ZNF626: variants seen among roughly 807,000 people sequenced by gnomAD.
The protein encoded by ZNF626 is CTC-513N18.7.
Under a neutral mutation model 11.7 loss-of-function variants are expected in ZNF626, and 4 were observed. The ratio of observed to expected loss-of-function variants is 0.34; its 90% CI spans 0.17 to 0.78. The LOEUF (loss-of-function observed/expected upper bound fraction) is 0.78, where lower values mean the gene tolerates loss of function less well. Among genes scored for constraint, ZNF626 ranks in the 30% least tolerant of loss-of-function variants. The probability of loss-of-function intolerance (pLI) is 0.57; values close to 1 mark genes in which losing one functional copy is unlikely to be tolerated. For missense variants in ZNF626, 588 were observed against 587.1 expected (o/e 1.00, Z -0.01); for synonymous variants, 179 against 198.6 (o/e 0.90, Z 0.83).
rs1263547734 is a variant in ZNF626, at chr19:20,620,257, T to C, written c.*4033A>G. On this transcript the variant is annotated 3_prime_UTR_variant, in exon 4 of 4. Transcript: ENST00000601440. ...TAAAATTTTATATTAATAAATTCCATACAAAGCAGAAAGTATACATTTGCT... is the reference window on the plus strand; with the variant it reads ...TAAAATTTTATATTAATAAATTCCACACAAAGCAGAAAGTATACATTTGCT... The C allele has an allele frequency of 5.3e-5, 8 of 152,308 alleles. No homozygotes were observed. The East Asian group carries it at 1.5e-3, about 29-fold the overall frequency. The allele number at this position is 152,308 out of a possible 1,614,324, so 9.4% of individuals were successfully genotyped here. A position where few individuals can be genotyped will look rare whatever the true frequency, so the allele number is the denominator to read the frequency against.
At chr19:20,626,891 T>A (rs56387942) in intron 3 of ZNF626, among the ~76,000 whole-genome samples, 26,078 of 152,022 alleles carry the variant, frequency 0.17, 3,026 homozygotes, top group African/African-American at 0.33. Flanking sequence ...GGCAGCCACC[T>A]GTAACCCCAG....
intron 3 of ZNF626, among the ~76,000 whole-genome samples, chr19:20,628,666 T>C (rs1181010722): frequency 6.6e-6 from 1 of 152,236 alleles, no homozygotes; most frequent in Non-Finnish European, 1.5e-5. Context: ...GAGTTCATTG[T>C]AGATTCTGGA....
intron 3 of ZNF626, among the ~76,000 whole-genome samples, chr19:20,636,404 T>C (rs986911461): frequency 6.6e-6 from 1 of 151,774 alleles, no homozygotes; most frequent in Non-Finnish European, 1.5e-5. Flanking sequence ...CAACACATAA[T>C]TAAATGATGT....
chr19:20,627,140 T>C (rs1362482982), intron 3 of ZNF626, among the ~76,000 whole-genome samples: 5 of 151,896 alleles, frequency 3.3e-5, no homozygotes, highest in Non-Finnish European at 7.4e-5. Context: ...AAATTGTGGA[T>C]ATAAAAAATG....
Position 20,625,413 on chromosome 19 carries a change from TGAA to T in ZNF626, c.461_463del (p.Leu154del). 1 of 1,614,126 alleles carries T rather than the reference TGAA, an allele frequency of 6.2e-7. No homozygotes were observed. Among genetic ancestry groups the T allele is most frequent in the South Asian group, 1.1e-5 (1 of 91,074 alleles). On this transcript the variant is annotated inframe_deletion, in exon 4 of 4. Coordinates refer to ENST00000601440, the MANE Select transcript of ZNF626 (RefSeq NM_001076675.3). ...TTGTCCGTTTGAATTTGGAAATTGATGAAGGACTTTCACATATTTATCACATTG... is the reference window on the plus strand; with the variant it reads ...TTGTCCGTTTGAATTTGGAAATTGATGGACTTTCACATATTTATCACATTG...
At chr19:20,654,085 C>G (rs1970177896) in intron 1 of ZNF626, among the ~76,000 whole-genome samples, 1 of 152,082 alleles carries the variant, frequency 6.6e-6, no homozygotes, top group Admixed American at 6.5e-5. Context: ...ATATAAATAT[C>G]TAAGTATGAA....
At chr19:20,640,676 GACAA>G (rs1555771346) in intron 3 of ZNF626, among the ~76,000 whole-genome samples, 1 of 148,036 alleles carries the variant, frequency 6.8e-6, no homozygotes, top group African/African-American at 2.5e-5. Flanking sequence ...AAAACACAAT[GACAA>G]ACAAAATCAC....
At chr19:20,642,127 A>G (rs1273366913) in intron 3 of ZNF626, among the ~76,000 whole-genome samples, 1 of 152,188 alleles carries the variant, frequency 6.6e-6, no homozygotes, top group Non-Finnish European at 1.5e-5. Flanking sequence ...AGCCATAACT[A>G]AAACTGGGGT....
chr19:20,650,406 TCC>T (rs1970133862), intron 1 of ZNF626, among the ~76,000 whole-genome samples: 2 of 152,144 alleles, frequency 1.3e-5, no homozygotes, highest in Non-Finnish European at 2.9e-5. Context: ...GGAAAACAAG[TCC>T]CTAAATAGAA....
At chr19:20,653,641 C>CAA (rs200611424) in intron 1 of ZNF626, among the ~76,000 whole-genome samples, 8 of 40,462 alleles carry the variant, frequency 2.0e-4, no homozygotes, top group Non-Finnish European at 3.3e-4. Context: ...GCCCTCCCAG[C>CAA]AAAAAAAAAA....
At chr19:20,645,994 G>A (rs782458437) in intron 2 of ZNF626, among the ~76,000 whole-genome samples, 3 of 152,050 alleles carry the variant, frequency 2.0e-5, no homozygotes, top group Non-Finnish European at 2.9e-5. Flanking sequence ...AATTGGTGGT[G>A]GCAATTAGAT....
rs564539137 is a variant in ZNF626 at position 20,628,049 on chromosome 19, G to A, written c.227-2399C>T. On this transcript the variant is annotated intron_variant, in intron 3 of 3. Transcript: ENST00000601440. The stretch of plus-strand genomic sequence containing the variant: ...GCGGTGTTTGGTTTTTTGTCCTTGC[G>A]ATAGTTTGCTGAGAATGATGGTTTC... Among the ~76,000 whole-genome samples the A allele has an allele frequency of 9.3e-4, 141 of 152,210 alleles. 1 individual carries two copies. The highest frequency in any genetic ancestry group is 3.0e-3 in the African/African-American group (124 of 41,542).
intron 3 of ZNF626, among the ~76,000 whole-genome samples, chr19:20,638,112 G>C (rs1482223040): frequency 6.6e-6 from 1 of 152,066 alleles, no homozygotes; most frequent in Non-Finnish European, 1.5e-5. Flanking sequence ...CTGGTTGACA[G>C]AGTGAGGCCC....
chr19:20,653,641 C>CAAAAAAA, intron 1 of ZNF626, among the ~76,000 whole-genome samples: 1 of 40,414 alleles, frequency 2.5e-5, no homozygotes, highest in Non-Finnish European at 4.1e-5. Flanking sequence ...GCCCTCCCAG[C>CAAAAAAA]AAAAAAAAAA....
chr19:20,659,318 C>T (rs1356587450), intron 1 of ZNF626, among the ~76,000 whole-genome samples: 1 of 152,146 alleles, frequency 6.6e-6, no homozygotes, highest in Non-Finnish European at 1.5e-5. Context: ...CAGCTCACTG[C>T]AACCTCTGTC....
chr19:20,660,025 T>C (rs1555773513), intron 1 of ZNF626, among the ~76,000 whole-genome samples: 1 of 151,870 alleles, frequency 6.6e-6, no homozygotes, highest in African/African-American at 2.4e-5. Context: ...TGCCAGCACT[T>C]TGGGAGGCCG....
At chr19:20,628,412 C>A (rs1555770030) in intron 3 of ZNF626, among the ~76,000 whole-genome samples, 1 of 152,080 alleles carries the variant, frequency 6.6e-6, no homozygotes, top group African/African-American at 2.4e-5. Context: ...TAAAAGTGTT[C>A]CTATTTCTCC....
chr19:20,629,788 T>C lies in ZNF626; in HGVS notation c.227-4138A>G, dbSNP rs576822417. On this transcript the variant is annotated intron_variant, in intron 3 of 3. Transcript: ENST00000601440. Reference sequence around the variant, plus strand: ...ACTTTATTTCCTTCTCCTGCCTGATTGCCCTGGCCAGAACTTCCAACACTA... The same window carrying C: ...ACTTTATTTCCTTCTCCTGCCTGATCGCCCTGGCCAGAACTTCCAACACTA... Among the ~76,000 whole-genome samples, 299 of 152,318 alleles carry C rather than the reference T, an allele frequency of 2.0e-3. 1 individual carries two copies. Among genetic ancestry groups the C allele is most frequent in the African/African-American group, 6.9e-3 (287 of 41,582 alleles).
rs1425427741 is a variant in ZNF626, at chr19:20,620,014, TTATG to T, written c.*4272_*4275del. 2 of 152,240 alleles carry T rather than the reference TTATG, an allele frequency of 1.3e-5. No individual in the cohort carries two copies. The highest frequency in any genetic ancestry group is 4.8e-5 in the African/African-American group (2 of 41,466). 9.4% of individuals were successfully genotyped at this position (152,240 alleles called of 1,614,324 possible). The stretch of plus-strand genomic sequence containing the variant: ...TTTTCTGGCTTAAATTATTATTCCT[TTATG>T]TGTCATTTTATACATTCACACACAC... On this transcript the variant is annotated 3_prime_UTR_variant, in exon 4 of 4. Transcript: ENST00000601440.
Sources: allele counts gnomAD v4.1 joint callset (sites outside exome capture counted in the v4.1 genomes callset), GRCh38; gene constraint gnomAD v4.1.1; transcripts MANE v1.5; gene names NCBI Gene and HGNC (gene_info 2026-07-23, HGNC 2026-07-21).